Variants in ARK2C observed in about 807,000 individuals in gnomAD.
The protein encoded by ARK2C is arkadia (RNF111) C-terminal like ring finger ubiquitin ligase 2C.
chr18:46,342,765 T>C, the ARK2C span, among the ~76,000 whole-genome samples: 1 of 152,192 alleles, frequency 6.6e-6, no homozygotes, highest in Non-Finnish European at 1.5e-5. Context: ...TGTTGTTTCA[T>C]GGAGATGATA....
the ARK2C span, among the ~76,000 whole-genome samples, chr18:46,418,647 C>T: frequency 6.6e-5 from 10 of 152,156 alleles, no homozygotes; most frequent in East Asian, 1.5e-3. Flanking sequence ...TCCCTAGCAC[C>T]TAGAACAATG....
the ARK2C span, among the ~76,000 whole-genome samples, chr18:46,397,587 G>A: frequency 5.7e-5 from 7 of 123,388 alleles, no homozygotes; most frequent in Non-Finnish European, 1.3e-4. Flanking sequence ...GTCATGCTGG[G>A]GTGTGAGGGT....
the ARK2C span, among the ~76,000 whole-genome samples, chr18:46,380,002 G>T: frequency 6.6e-6 from 1 of 152,196 alleles, no homozygotes; most frequent in East Asian, 1.9e-4. Flanking sequence ...AAAGGCAGAG[G>T]CCACCCCACC....
At chr18:46,434,369 A>T in the ARK2C span, among the ~76,000 whole-genome samples, 1 of 152,262 alleles carries the variant, frequency 6.6e-6, no homozygotes, top group South Asian at 2.1e-4. Context: ...TGTTAACACC[A>T]ATAATATATT....
At chr18:46,361,469 A>C in the ARK2C span, among the ~76,000 whole-genome samples, 2 of 152,226 alleles carry the variant, frequency 1.3e-5, no homozygotes, top group African/African-American at 4.8e-5. Context: ...CAGTGTCCAA[A>C]AAAAGGCAGA....
the ARK2C span, among the ~76,000 whole-genome samples, chr18:46,444,546 C>G: frequency 1.3e-5 from 2 of 152,080 alleles, no homozygotes; most frequent in Non-Finnish European, 2.9e-5. Context: ...CTCATTGTAG[C>G]CTCAACTTCC....
At chr18:46,334,706 GTGTGTGTGTGA>G in the ARK2C span, 1 of 246,830 alleles carries the variant, frequency 4.1e-6, no homozygotes, top group South Asian at 2.1e-4. The surrounding 1 kb of genome is among the most constrained non-coding windows in gnomAD (Gnocchi z 4.4). Flanking sequence ...GTGTGTGTGT[GTGTGTGTGTGA>G]GAGAGAGAGA....
chr18:46,373,651 C>T, the ARK2C span, among the ~76,000 whole-genome samples: 825 of 152,306 alleles, frequency 5.4e-3, 4 homozygotes, highest in African/African-American at 0.019. Context: ...TCCTCGGGCT[C>T]CAGGGACAGC....
At chr18:46,393,948 G>T in the ARK2C span, among the ~76,000 whole-genome samples, 1 of 152,216 alleles carries the variant, frequency 6.6e-6, no homozygotes, top group South Asian at 2.1e-4. Context: ...GCCTGGTGGG[G>T]ATCCTGTGGG....
chr18:46,378,810 T>C, the ARK2C span, among the ~76,000 whole-genome samples: 2 of 152,170 alleles, frequency 1.3e-5, no homozygotes, highest in African/African-American at 4.8e-5. Flanking sequence ...AGCGCTGCTA[T>C]GGATGGTGGG....
the ARK2C span, among the ~76,000 whole-genome samples, chr18:46,409,158 C>T: frequency 6.6e-6 from 1 of 152,118 alleles, no homozygotes; most frequent in Non-Finnish European, 1.5e-5. Flanking sequence ...CAACTGCAGG[C>T]CTTCAAGATC....
At chr18:46,344,401 C>T in the ARK2C span, among the ~76,000 whole-genome samples, 1 of 151,480 alleles carries the variant, frequency 6.6e-6, no homozygotes, top group Admixed American at 6.6e-5. Flanking sequence ...AGCCTTCCTC[C>T]CCCATGCCAC....
chr18:46,345,047 C>T, the ARK2C span, among the ~76,000 whole-genome samples: 1 of 150,288 alleles, frequency 6.7e-6, no homozygotes, highest in East Asian at 1.9e-4. Context: ...GCTCCTGCCT[C>T]GCTCCTTCTG....
chr18:46,413,360 C>T, the ARK2C span, among the ~76,000 whole-genome samples: 1 of 152,012 alleles, frequency 6.6e-6, no homozygotes, highest in Admixed American at 6.5e-5. Context: ...ATTAGCCTGT[C>T]CCACCGTGCC....
chr18:46,435,260 A>T, the ARK2C span: 1 of 1,598,830 alleles, frequency 6.3e-7, no homozygotes, highest in African/African-American at 1.3e-5. Context: ...AGCCCCTGAC[A>T]CGAGGGCTCT....
chr18:46,354,553 T>C, the ARK2C span, among the ~76,000 whole-genome samples: 9 of 152,324 alleles, frequency 5.9e-5, no homozygotes, highest in East Asian at 9.6e-4. Context: ...TGAGAGCTGG[T>C]TAGAATATCT....
chr18:46,433,274 C>G, the ARK2C span: 1 of 1,611,032 alleles, frequency 6.2e-7, no homozygotes, highest in Non-Finnish European at 8.5e-7. Context: ...CAGCAGCTCG[C>G]TCCCGACTTC....
the ARK2C span, among the ~76,000 whole-genome samples, chr18:46,446,142 G>C: frequency 1.3e-5 from 2 of 152,156 alleles, no homozygotes; most frequent in African/African-American, 2.4e-5. Flanking sequence ...GAGCACTACT[G>C]TCTGGTTGTT....
chr18:46,380,947 G>T, the ARK2C span, among the ~76,000 whole-genome samples: 1 of 152,324 alleles, frequency 6.6e-6, no homozygotes, highest in African/African-American at 2.4e-5. Flanking sequence ...CCGGGCTGGA[G>T]TTCCTTCTCT....
Sources: gnomAD v4.1 joint callset for allele counts (sites outside exome capture counted in the v4.1 genomes callset) on GRCh38, gnomAD v4.1.1 for gene constraint, Gnocchi (gnomAD v3.1) non-coding constraint, MANE v1.5 for transcripts, NCBI Gene and HGNC (gene_info 2026-07-23, HGNC 2026-07-21) for gene names.